Variants in ZNF256 observed in about 807,000 individuals in gnomAD.
ZNF256 encodes the protein bone marrow zinc finger 3.
A neutral mutation model predicts 7.9 loss-of-function variants in ZNF256; 4 were observed. The ratio of observed to expected loss-of-function variants is 0.50; its 90% confidence interval spans 0.25 to 1.15. The LOEUF (loss-of-function observed/expected upper bound fraction) is 1.15. ZNF256 is among the 50% of genes most tolerant of loss of function. The pLI, the probability that ZNF256 is intolerant of heterozygous loss-of-function variation, is 0.15. For missense variants in ZNF256, 666 were observed against 755.9 expected, an observed-to-expected ratio of 0.88 and a Z score of 1.39; for synonymous variants, 260 against 260.4, an observed-to-expected ratio of 1.00 and a Z score of 0.02.
Position 57,942,086 on chromosome 19 carries a change from C to A in ZNF256, c.722G>T (p.Cys241Phe), listed in dbSNP as rs2072733693. Residue 241 changes from cysteine to phenylalanine, a missense_variant, in exon 3 of 3, where the codon TGC becomes TTC. By Grantham distance (205) the Cys-to-Phe change is radical. Transcript: ENST00000282308. ...GCTAAAAGATTTCCCACATTCACTG[C>A]ACATGTAAGATCTTTCCCTAATGAG... ...GDLIRERSYM[C>F]SECGKSFSTS... 6.2e-7 allele frequency: 1 copy of A among 1,614,122 alleles called. No homozygotes were observed. The highest frequency in any genetic ancestry group is 8.5e-7 in the Non-Finnish European group (1 of 1,180,058).
At chr19:57,946,322 A>G (rs901651155) in intron 1 of ZNF256, among the ~76,000 whole-genome samples, 4 of 152,218 alleles carry the variant, frequency 2.6e-5, no homozygotes, top group Non-Finnish European at 5.9e-5. Flanking sequence ...TCCATTTAGT[A>G]GGCTCTGAAA....
intron 1 of ZNF256, among the ~76,000 whole-genome samples, chr19:57,945,933 G>A (rs1357627230): frequency 6.6e-6 from 1 of 152,124 alleles, no homozygotes. Context: ...TAATCTTCCA[G>A]CCTGAATGAA....
At chr19:57,947,400 G>A in intron 1 of ZNF256, 42 bp downstream of exon 1, 1 of 1,247,458 alleles carries the variant, frequency 8.0e-7, no homozygotes, top group Non-Finnish European at 1.0e-6. Context: ...GCTAGGACTA[G>A]CGTGGGGAGG....
At chr19:57,947,065 C>T (rs915214117) in intron 1 of ZNF256, among the ~76,000 whole-genome samples, 2 of 152,224 alleles carry the variant, frequency 1.3e-5, no homozygotes, top group African/African-American at 4.8e-5. Flanking sequence ...GACTGGGAAA[C>T]CCTCCCCTTC....
Position 57,941,089 on chromosome 19 carries a change from C to T in ZNF256, c.1719G>A (p.Arg573=), listed in dbSNP as rs781274099. 12 of 1,614,136 alleles carry T rather than the reference C, an allele frequency of 7.4e-6. No homozygotes were observed. In the Middle Eastern group the frequency reaches 1.3e-3, roughly 178 times the overall value. The part of the protein sequence containing the change: ...VKHRRVHTGE[R]PYECSECGKS... ...TTCCACATTCACTGCATTCATAAGG[C>T]CTTTCTCCGGTATGAACTCTTCGGT... The change falls in exon 3 of 3, where the codon AGG becomes AGA. Residue 573 remains arginine (R), a synonymous_variant. Coordinates refer to ENST00000282308, the MANE Select transcript of ZNF256 (RefSeq NM_005773.3).
intron 1 of ZNF256, among the ~76,000 whole-genome samples, chr19:57,944,934 C>T (rs1482757881): frequency 8.4e-5 from 12 of 142,824 alleles, no homozygotes; most frequent in African/African-American, 2.6e-4. Context: ...TTTTTTGAGA[C>T]GAAATCTTGC....
intron 1 of ZNF256, among the ~76,000 whole-genome samples, chr19:57,944,805 G>A (rs117836797): frequency 0.054 from 8,156 of 152,218 alleles, 311 homozygotes; most frequent in Non-Finnish European, 0.075. Context: ...GCACTCCAGC[G>A]TGGTGACACA....
rs761683729 is a variant in ZNF256, at chr19:57,941,514, C to T, written c.1294G>A (p.Val432Ile). The change falls in exon 3 of 3, where the codon GTA becomes ATA. Residue 432 changes from valine (V) to isoleucine (I), a missense_variant. By Grantham distance (29) the Val-to-Ile change is conservative (BLOSUM62 3). Coordinates refer to ENST00000282308, the MANE Select transcript of ZNF256 (RefSeq NM_005773.3). The stretch of plus-strand genomic sequence containing the variant: ...CATTCATGACATTCATGAGATCTTA[C>T]TCCAGTATGAACTCTCTGGTGTTGG... ...FFQHQRVHTG[V>I]RSHECHECGK... The T allele has an allele frequency of 6.2e-7, 1 of 1,614,064 alleles. No individual in the cohort carries two copies. Among genetic ancestry groups the T allele is most frequent in the South Asian group, 1.1e-5 (1 of 91,084 alleles).
rs1450162930 is a variant in ZNF256, at chr19:57,941,229, A to C, written c.1579T>G (p.Phe527Val). 1 of 1,613,788 alleles carries C rather than the reference A, an allele frequency of 6.2e-7. No homozygotes were observed. Residue 527 changes from phenylalanine to valine, a missense_variant, in exon 3 of 3, where the codon TTT (phenylalanine) becomes GTT (valine). Transcript: ENST00000282308. ...RPYECNECGK[F>V]FSQSSSLIRH... ...ATGAGGCTGGAGCTCTGGCTAAAAAACTTCCCACATTCATTGCACTCATAA... is the reference window on the plus strand; with the variant it reads ...ATGAGGCTGGAGCTCTGGCTAAAAACCTTCCCACATTCATTGCACTCATAA...
In ZNF256 at chr19:57,940,930, C is replaced by G; in HGVS notation, c.1878G>C (p.Lys626Asn). The G allele has an allele frequency of 6.2e-7, 1 of 1,613,200 alleles. No homozygotes were observed. Among genetic ancestry groups the G allele is most frequent in the African/African-American group, 1.3e-5 (1 of 75,040 alleles). The change falls in exon 3 of 3, where the codon AAG becomes AAC. Residue 626 changes from lysine to asparagine, a missense_variant. Transcript: ENST00000282308. ...TATGTGTGTTACCTAACCTTTATCC[C>G]TTGTGAACGTTCTGATGTTTTAGGA... Reference protein sequence around the residue: ...SNLLKHQNVHKG With the variant: ...SNLLKHQNVHNG
At chr19:57,943,904 G>A (rs537955409) in intron 2 of ZNF256, 30 bp downstream of exon 2, 47 of 1,610,540 alleles carry the variant, frequency 2.9e-5, no homozygotes, top group South Asian at 9.9e-5. Context: ...AGGCTAGCTC[G>A]GGGCATAGAG....
chr19:57,940,874 T>C lies in ZNF256; in HGVS notation c.*50A>G. On this transcript the variant is annotated 3_prime_UTR_variant, in exon 3 of 3. Coordinates refer to ENST00000282308, the MANE Select transcript of ZNF256 (RefSeq NM_005773.3). ...TTTATTTATTTATGTCTGTGAATTT[T>C]GCAGGGACACTTCTCAGTCCGTAAC... The C allele has an allele frequency of 6.6e-7, 1 of 1,515,522 alleles. No individual in the cohort carries two copies. Among genetic ancestry groups the C allele is most frequent in the Non-Finnish European group, 8.9e-7 (1 of 1,122,306 alleles). 93.9% of individuals were successfully genotyped at this position (1,515,522 alleles called of 1,614,324 possible). A position where few individuals can be genotyped will look rare whatever the true frequency, so the allele number is the denominator to read the frequency against.
At chr19:57,945,186 C>T (rs8104847) in intron 1 of ZNF256, among the ~76,000 whole-genome samples, 4,746 of 152,228 alleles carry the variant, frequency 0.031, 254 homozygotes, top group African/African-American at 0.11. Flanking sequence ...TGAGCCACCA[C>T]GCCTGGCTGA....
intron 2 of ZNF256, 81 bp downstream of exon 2, chr19:57,943,853 T>C: frequency 6.4e-7 from 1 of 1,552,484 alleles, no homozygotes. Flanking sequence ...AATAGTCCTC[T>C]TGTGAAGACA....
intron 1 of ZNF256, 78 bp from the exon 2 acceptor site, chr19:57,944,138 C>T: frequency 6.3e-7 from 1 of 1,590,632 alleles, no homozygotes; most frequent in Non-Finnish European, 8.6e-7. Context: ...ACACATTTAC[C>T]CCATGCTCAT....
intron 1 of ZNF256, among the ~76,000 whole-genome samples, chr19:57,945,499 G>C (rs956843856): frequency 3.9e-4 from 59 of 152,316 alleles, no homozygotes; most frequent in East Asian, 7.7e-4. Context: ...TTATTCATGG[G>C]AGCAAAGTGG....
chr19:57,943,451 A>G (rs188495730), intron 2 of ZNF256, among the ~76,000 whole-genome samples: 1 of 152,318 alleles, frequency 6.6e-6, no homozygotes, highest in Admixed American at 6.5e-5. Context: ...ACCCAAGACC[A>G]GCCCAGAATG....
chr19:57,940,975 A>G lies in ZNF256; in HGVS notation c.1833T>C (p.Phe611=). The change falls in exon 3 of 3, where the codon TTT becomes TTC. Residue 611 remains phenylalanine (F), a synonymous_variant. Coordinates refer to ENST00000282308, the MANE Select transcript of ZNF256 (RefSeq NM_005773.3). Reference sequence around the variant, plus strand: ...TTAGGAGGTTGGAGTTGAAGGTAAAAAATTTTCCACAGTCACTACACTCAT... The same window carrying G: ...TTAGGAGGTTGGAGTTGAAGGTAAAGAATTTTCCACAGTCACTACACTCAT... The part of the protein sequence containing the change: ...RPYECSDCGK[F]FTFNSNLLKH... 1 of 1,614,164 alleles carries G rather than the reference A, an allele frequency of 6.2e-7. No individual in the cohort carries two copies. The highest frequency in any genetic ancestry group is 8.5e-7 in the Non-Finnish European group (1 of 1,180,022).
chr19:57,941,406 A>G lies in ZNF256; in HGVS notation c.1402T>C (p.Cys468Arg), dbSNP rs1355001390. Residue 468 changes from cysteine to arginine, a missense_variant, in exon 3 of 3, where the codon TGT becomes CGT. Cys to Arg is a radical substitution (Grantham distance 180). Coordinates refer to ENST00000282308, the MANE Select transcript of ZNF256 (RefSeq NM_005773.3). ...GATTTACAGGTAAAGGATTTTCCAC[A>G]TTCACTGCACTCATATGGCCTTTCT... is the stretch of plus-strand genomic sequence containing the variant. ...TGERPYECSE[C>R]GKSFTCKSYL... 2 of 1,614,208 alleles carry G rather than the reference A, an allele frequency of 1.2e-6. No homozygotes were observed. The highest frequency in any genetic ancestry group is 3.3e-5 in the Admixed American group (2 of 60,030).
Sources: gnomAD v4.1 joint callset for allele counts (sites outside exome capture counted in the v4.1 genomes callset) on GRCh38, gnomAD v4.1.1 for gene constraint, MANE v1.5 for transcripts, NCBI Gene and HGNC (gene_info 2026-07-23, HGNC 2026-07-21) for gene names.